The following KLHL7 variants were observed in gnomAD, a reference collection of about 807,000 sequenced individuals.
KLHL7 encodes kelch-like protein 7.
KLHL7 carries 44 observed loss-of-function variants against 67.4 expected under a neutral mutation model. The ratio of observed to expected loss-of-function variants is 0.65; its 90% confidence interval spans 0.51 to 0.84. The LOEUF is 0.84. Ranked by LOEUF, KLHL7 falls within the 40% of genes least tolerant of loss-of-function variation. The probability of loss-of-function intolerance (pLI) is 0.00; values close to 1 mark genes in which losing one functional copy is unlikely to be tolerated. For missense variants in KLHL7, 362 were observed against 718.1 expected, an observed-to-expected ratio of 0.50 and a Z score of 5.67; for synonymous variants, 252 against 243.3, an observed-to-expected ratio of 1.04 and a Z score of -0.33.
At chr7:23,141,485 G>C (rs1350346821) in intron 5 of KLHL7, among the ~76,000 whole-genome samples, 1 of 152,272 alleles carries the variant, frequency 6.6e-6, no homozygotes, top group Non-Finnish European at 1.5e-5. Context: ...TCTCCAGGCA[G>C]ACACACTGGT....
At chr7:23,111,446 G>T (rs1782866451) in intron 1 of KLHL7, among the ~76,000 whole-genome samples, 1 of 152,172 alleles carries the variant, frequency 6.6e-6, no homozygotes, top group African/African-American at 2.4e-5. Flanking sequence ...TAGGTGATTT[G>T]CCCTTATTCT....
intron 1 of KLHL7, among the ~76,000 whole-genome samples, chr7:23,120,042 C>G (rs1338096933): frequency 6.6e-6 from 1 of 151,994 alleles, no homozygotes; most frequent in Non-Finnish European, 1.5e-5. Flanking sequence ...TTTTGAGTCT[C>G]ACTCTCACCC....
intron 6 of KLHL7, among the ~76,000 whole-genome samples, chr7:23,145,113 A>G (rs986941035): frequency 6.6e-6 from 1 of 152,214 alleles, no homozygotes; most frequent in Non-Finnish European, 1.5e-5. Flanking sequence ...TAAAAAAGAA[A>G]GAAAGATAGT....
At chr7:23,151,896 G>C (rs545240481) in intron 6 of KLHL7, among the ~76,000 whole-genome samples, 171 bp from the exon 7 acceptor site, 1 of 152,068 alleles carries the variant, frequency 6.6e-6, no homozygotes, top group South Asian at 2.1e-4. Flanking sequence ...GTTAGTACTC[G>C]GATCCTTATG....
chr7:23,107,761 A>T (rs79802259), intron 1 of KLHL7, among the ~76,000 whole-genome samples: 4,802 of 152,286 alleles, frequency 0.032, 249 homozygotes, highest in African/African-American at 0.11. Context: ...TGATTAACTG[A>T]CCTTAATCTG....
chr7:23,171,810 C>T (rs1785171577), intron 9 of KLHL7, among the ~76,000 whole-genome samples: 1 of 152,120 alleles, frequency 6.6e-6, no homozygotes, highest in South Asian at 2.1e-4. Flanking sequence ...CCTGGGTTCA[C>T]GCCATTCTCC....
In KLHL7 at chr7:23,175,589, A is replaced by G. The variant is rs1012241807; in HGVS notation, c.*1291A>G. On this transcript the variant is annotated 3_prime_UTR_variant, in exon 11 of 11. Coordinates refer to ENST00000339077, the MANE Select transcript of KLHL7 (RefSeq NM_001031710.3). ...TTAGGAAAAACATAATGATAGGTAT[A>G]TTTCTATTTGTGTAGGGTTTTTTAA... 1.6e-5 allele frequency: 5 copies of G among 315,898 alleles called. No individual in the cohort carries two copies. Among genetic ancestry groups the G allele is most frequent in the Non-Finnish European group, 2.4e-5 (4 of 165,504 alleles). The allele number at this position is 315,898 out of a possible 1,614,324, so 19.6% of individuals were successfully genotyped here.
At chr7:23,151,060 T>G (rs1448118454) in intron 6 of KLHL7, among the ~76,000 whole-genome samples, 2 of 151,924 alleles carry the variant, frequency 1.3e-5, no homozygotes, top group African/African-American at 4.8e-5. Flanking sequence ...TGCACTATTT[T>G]AACTTAAACA....
chr7:23,126,149 C>A, intron 4 of KLHL7: 1 of 411,952 alleles, frequency 2.4e-6, no homozygotes, highest in Non-Finnish European at 4.5e-6. Flanking sequence ...ACTTCATAAC[C>A]AGGATGGTTT....
At chr7:23,126,376 T>A (rs1346404326) in intron 4 of KLHL7, among the ~76,000 whole-genome samples, 1 of 152,220 alleles carries the variant, frequency 6.6e-6, no homozygotes, top group Non-Finnish European at 1.5e-5. Flanking sequence ...ACTACTCTAA[T>A]TCCATTTTCC....
At chr7:23,170,907 C>CCTT (rs529403832) in intron 9 of KLHL7, among the ~76,000 whole-genome samples, 12 of 132,938 alleles carry the variant, frequency 9.0e-5, no homozygotes, top group Admixed American at 1.5e-4. Flanking sequence ...TAAGAAATGA[C>CCTT]TTTTTTTTTT....
chr7:23,168,805 C>T (rs858307), intron 9 of KLHL7, among the ~76,000 whole-genome samples: 12,183 of 152,202 alleles, frequency 0.08, 832 homozygotes, highest in African/African-American at 0.18. Context: ...GATTGCCCAT[C>T]GTTCTTCCCT....
intron 4 of KLHL7, among the ~76,000 whole-genome samples, chr7:23,140,484 G>C (rs929165211): frequency 6.6e-6 from 1 of 152,314 alleles, no homozygotes; most frequent in African/African-American, 2.4e-5. Flanking sequence ...GTGAAGCTGG[G>C]AGGCGGAGCT....
chr7:23,135,789 A>G (rs574348493), intron 4 of KLHL7, among the ~76,000 whole-genome samples: 3 of 152,234 alleles, frequency 2.0e-5, no homozygotes, highest in Non-Finnish European at 4.4e-5. Context: ...TAAAACAGTA[A>G]AAAAGAAAGA....
intron 4 of KLHL7, among the ~76,000 whole-genome samples, chr7:23,131,712 AAAT>A (rs1783805758): frequency 6.7e-6 from 1 of 150,348 alleles, no homozygotes; most frequent in Non-Finnish European, 1.5e-5. Flanking sequence ...TTGTGTTATC[AAAT>A]AATAGGTCTT....
rs376588718 is a variant in KLHL7 at position 23,125,707 on chromosome 7, G to T, written c.442+535G>T. On this transcript the variant is annotated intron_variant, in intron 4 of 10. Coordinates refer to ENST00000339077, the MANE Select transcript of KLHL7 (RefSeq NM_001031710.3). The stretch of plus-strand genomic sequence containing the variant: ...CTATAAATTAAGATACTAACTGAGG[G>T]ACTGCTATAGCCATTTTGAAGCTAT... The T allele has an allele frequency of 2.1e-5, 30 of 1,430,670 alleles. No homozygotes were observed. The East Asian group carries it at 3.2e-4, about 15-fold the overall frequency. The allele number at this position is 1,430,670 out of a possible 1,614,324, so 88.6% of individuals were successfully genotyped here.
At position 23,175,305 on chromosome 7, in the gene KLHL7, C is replaced by T. The variant is rs1487431750; in HGVS notation, c.*1007C>T. ...ATCAATAAATCTTTTACAAACCCAACTACTCATTTCCTTCCTAGTAATACT... is the reference window on the plus strand; with the variant it reads ...ATCAATAAATCTTTTACAAACCCAATTACTCATTTCCTTCCTAGTAATACT... On this transcript the variant is annotated 3_prime_UTR_variant, in exon 11 of 11. Coordinates refer to ENST00000339077, the MANE Select transcript of KLHL7 (RefSeq NM_001031710.3). 2 of 453,958 alleles carry T rather than the reference C, an allele frequency of 4.4e-6. No individual in the cohort carries two copies. Among genetic ancestry groups the T allele is most frequent in the Non-Finnish European group, 8.8e-6 (2 of 226,784 alleles). The allele number at this position is 453,958 out of a possible 1,614,324, so 28.1% of individuals were successfully genotyped here.
chr7:23,147,468 ATTTTATG>A (rs1784395287), intron 6 of KLHL7, among the ~76,000 whole-genome samples: 1 of 151,976 alleles, frequency 6.6e-6, no homozygotes, highest in Non-Finnish European at 1.5e-5. Context: ...TTCAAATGTT[ATTTTATG>A]TTTTATGTTT....
intron 7 of KLHL7, among the ~76,000 whole-genome samples, chr7:23,160,494 A>T (rs906615821): frequency 1.3e-5 from 2 of 152,218 alleles, no homozygotes; most frequent in African/African-American, 4.8e-5. Context: ...ATTCTTAATA[A>T]TTCCCTTTCA....
Sources: allele counts gnomAD v4.1 joint callset (sites outside exome capture counted in the v4.1 genomes callset), GRCh38; gene constraint gnomAD v4.1.1; transcripts MANE v1.5; gene names NCBI Gene and HGNC (gene_info 2026-07-23, HGNC 2026-07-21).